The following CXCL13 variants were observed in gnomAD, a reference collection of about 807,000 sequenced individuals.
CXCL13 encodes the protein C-X-C motif chemokine ligand 13, also known as C-X-C motif chemokine 13.
CXCL13 carries 7 observed loss-of-function variants against 12.2 expected under a neutral mutation model. That is an observed-to-expected ratio of 0.57 (90% CI 0.33 to 1.07). The LOEUF is 1.07. Ranked by LOEUF, CXCL13 falls within the 50% of genes least tolerant of loss-of-function variation. The pLI is 0.04. For missense variants in CXCL13, 113 were observed against 127.4 expected (o/e 0.89, Z 0.55); for synonymous variants, 47 against 42.4 (o/e 1.11, Z -0.42).
chr4:77,549,567 T>C (rs1465104471), intron 1 of CXCL13, among the ~76,000 whole-genome samples: 2 of 152,224 alleles, frequency 1.3e-5, no homozygotes, highest in Non-Finnish European at 2.9e-5. Flanking sequence ...TTTCTGTTTG[T>C]TAGTTTTACT....
chr4:77,572,120 A>G (rs1031715528), intron 1 of CXCL13, among the ~76,000 whole-genome samples: 1 of 151,926 alleles, frequency 6.6e-6, no homozygotes, highest in African/African-American at 2.4e-5. Context: ...GAAGTCAGTG[A>G]GACCAAGAAC....
rs550393533 is a variant in CXCL13, at chr4:77,513,308, C to T, written c.-43+1520C>T. 3.4e-3 allele frequency among the ~76,000 whole-genome samples: 514 copies of T among 152,174 alleles called. 3 individuals are homozygous for T. The highest frequency in any genetic ancestry group is 0.012 in the African/African-American group (498 of 41,494). ...TTGGGCATATACCCAGTGATGGGAT[C>T]GCTGGGTCTAATGGTATTTCTAGTT... On this transcript the variant is annotated intron_variant, in intron 1 of 4. Transcript: ENST00000286758.
intron 1 of CXCL13, among the ~76,000 whole-genome samples, chr4:77,511,955 G>C (rs1724283942): frequency 1.3e-5 from 2 of 152,238 alleles, no homozygotes; most frequent in East Asian, 3.9e-4. Context: ...CAAATCAAGG[G>C]TTTGGAAGCC....
intron 1 of CXCL13, among the ~76,000 whole-genome samples, chr4:77,544,554 G>T (rs1330671470): frequency 6.6e-6 from 1 of 152,204 alleles, no homozygotes; most frequent in African/African-American, 2.4e-5. Flanking sequence ...CTTCTGAGAA[G>T]TGTCTGTTCA....
At chr4:77,522,348 C>G (rs1434994175) in intron 1 of CXCL13, among the ~76,000 whole-genome samples, 1 of 151,818 alleles carries the variant, frequency 6.6e-6, no homozygotes, top group South Asian at 2.1e-4. Context: ...TAAGGACTTG[C>G]TTTATGAATC....
intron 1 of CXCL13, among the ~76,000 whole-genome samples, chr4:77,543,982 G>T (rs964033530): frequency 6.6e-6 from 1 of 152,106 alleles, no homozygotes; most frequent in African/African-American, 2.4e-5. Flanking sequence ...CCACCTATGA[G>T]TGAGAACATA....
chr4:77,523,641 G>A (rs1724677886), intron 1 of CXCL13, among the ~76,000 whole-genome samples: 2 of 152,072 alleles, frequency 1.3e-5, no homozygotes, highest in Admixed American at 6.6e-5. Context: ...CAGCTTCCTT[G>A]TGATGGGTTA....
intron 1 of CXCL13, among the ~76,000 whole-genome samples, chr4:77,529,724 G>C (rs1578038603): frequency 6.6e-6 from 1 of 152,194 alleles, no homozygotes; most frequent in East Asian, 1.9e-4. Context: ...TCTGCAAACA[G>C]GGACAATGTG....
chr4:77,529,760 C>T (rs1197492128), intron 1 of CXCL13, among the ~76,000 whole-genome samples: 2 of 152,086 alleles, frequency 1.3e-5, no homozygotes, highest in African/African-American at 4.8e-5. Context: ...AATTGAATAC[C>T]CTTTATTTCC....
chr4:77,558,881 C>A (rs1658756822), intron 1 of CXCL13, among the ~76,000 whole-genome samples: 1 of 152,184 alleles, frequency 6.6e-6, no homozygotes, highest in South Asian at 2.1e-4. Flanking sequence ...GTGAAGGAAA[C>A]AAGAGCTTCT....
rs192954934 is a variant in CXCL13 at position 77,558,164 on chromosome 4, A to T, written c.-43+46376A>T. ...GTTTATAAAAAATGGCTAGGTCCTGAAGTTCCTTTATCACTTCTAAGATGC... is the reference window on the plus strand; with the variant it reads ...GTTTATAAAAAATGGCTAGGTCCTGTAGTTCCTTTATCACTTCTAAGATGC... On this transcript the variant is annotated intron_variant, in intron 1 of 4. Coordinates refer to the CXCL13 transcript ENST00000286758. Among the ~76,000 whole-genome samples, 14 of 152,348 alleles carry T rather than the reference A, an allele frequency of 9.2e-5. 1 individual carries two copies. In the East Asian group the frequency reaches 2.5e-3, roughly 27 times the overall value.
intron 1 of CXCL13, among the ~76,000 whole-genome samples, chr4:77,536,825 G>A (rs1725069072): frequency 1.3e-5 from 2 of 152,042 alleles, no homozygotes; most frequent in Non-Finnish European, 2.9e-5. Flanking sequence ...GACTTTATCA[G>A]GATAGAAAAA....
At chr4:77,586,140 C>T (rs187855910) in intron 1 of CXCL13, among the ~76,000 whole-genome samples, 15 of 152,022 alleles carry the variant, frequency 9.9e-5, no homozygotes, top group African/African-American at 3.4e-4. Flanking sequence ...GAAAAAAGTC[C>T]TTTTCACATT....
intron 1 of CXCL13, among the ~76,000 whole-genome samples, chr4:77,589,000 T>C (rs1190203547): frequency 6.6e-6 from 1 of 152,222 alleles, no homozygotes; most frequent in East Asian, 1.9e-4. Flanking sequence ...TAGATTTCTA[T>C]TTTAGGCCGA....
chr4:77,517,886 C>T (rs538685648), intron 1 of CXCL13, among the ~76,000 whole-genome samples: 3 of 152,278 alleles, frequency 2.0e-5, no homozygotes, highest in South Asian at 4.1e-4. Flanking sequence ...TCAGTTGATG[C>T]AGTTTCTTTT....
intron 1 of CXCL13, among the ~76,000 whole-genome samples, chr4:77,551,003 G>A (rs1725502730): frequency 6.6e-6 from 1 of 151,942 alleles, no homozygotes; most frequent in African/African-American, 2.4e-5. Context: ...CATTTACTTT[G>A]AGCTTTGGGG....
chr4:77,582,728 T>C (rs1272451182), intron 1 of CXCL13, among the ~76,000 whole-genome samples: 2 of 152,164 alleles, frequency 1.3e-5, no homozygotes, highest in African/African-American at 4.8e-5. Flanking sequence ...TTCAACATAT[T>C]TTTTAAAAAT....
intron 1 of CXCL13, among the ~76,000 whole-genome samples, chr4:77,565,170 T>A (rs905669935): frequency 1.3e-5 from 2 of 152,196 alleles, no homozygotes; most frequent in Non-Finnish European, 2.9e-5. Flanking sequence ...TATTTTCATC[T>A]GAATATAGGG....
intron 1 of CXCL13, among the ~76,000 whole-genome samples, chr4:77,545,478 G>A (rs1186881081): frequency 1.3e-5 from 2 of 152,080 alleles, no homozygotes; most frequent in African/African-American, 4.8e-5. Flanking sequence ...TTATAAGGTG[G>A]ATTCCTAGGT....
Sources: allele counts gnomAD v4.1 joint callset (sites outside exome capture counted in the v4.1 genomes callset), GRCh38; gene constraint gnomAD v4.1.1; transcripts MANE v1.5; gene names NCBI Gene and HGNC (gene_info 2026-07-23, HGNC 2026-07-21).